Variants in NAV1 observed in about 807,000 individuals in gnomAD.
The protein encoded by NAV1 is pore membrane and/or filament interacting like protein 3.
In NAV1, 18 loss-of-function variants were observed where a neutral mutation model predicts 175.2. That is an observed-to-expected ratio of 0.10 (90% CI 0.07 to 0.15). NAV1 has a LOEUF of 0.15. NAV1 is among the 10% of genes least tolerant of loss of function. The pLI is 1.00. For synonymous variants in NAV1, 897 were observed against 978.7 expected, an observed-to-expected ratio of 0.92 and a Z score of 1.56; for missense variants, 1,731 against 2,436.6, an observed-to-expected ratio of 0.71 and a Z score of 6.10.
At chr1:201,789,877 T>G in intron 11 of NAV1, 85 bp downstream of exon 15, 1 of 1,325,866 alleles carries the variant, frequency 7.5e-7, no homozygotes, top group Non-Finnish European at 1.1e-6. Context: ...GTTGGGTAAC[T>G]GGGCGGGGGA....
intron 3 of NAV1, among the ~76,000 whole-genome samples, chr1:201,770,988 A>G (rs1675539871): frequency 6.6e-6 from 1 of 152,100 alleles, no homozygotes; most frequent in Admixed American, 6.5e-5. Context: ...AAGCACAAAA[A>G]TCCTTCATTG....
chr1:201,687,670 C>T (rs1012245061), intron 1 of NAV1, among the ~76,000 whole-genome samples: 2 of 152,180 alleles, frequency 1.3e-5, no homozygotes, highest in Non-Finnish European at 2.9e-5. Context: ...AGAGCCAAGA[C>T]GCCAACCCAA....
chr1:201,591,429 C>T (rs1667189433), intron 2 of NAV1, among the ~76,000 whole-genome samples: 1 of 152,130 alleles, frequency 6.6e-6, no homozygotes, highest in Non-Finnish European at 1.5e-5. Context: ...AGTCAGGGCC[C>T]CTCCCAGGGC....
chr1:201,672,551 G>A (rs1383219940), intron 1 of NAV1, among the ~76,000 whole-genome samples: 1 of 152,178 alleles, frequency 6.6e-6, no homozygotes, highest in Non-Finnish European at 1.5e-5. Flanking sequence ...TGAGGTAGAT[G>A]TTATTGTGAT....
chr1:201,643,415 CCCT>C (rs1241851298), upstream of NAV1, among the ~76,000 whole-genome samples: 1 of 147,154 alleles, frequency 6.8e-6, no homozygotes, highest in African/African-American at 2.5e-5. Context: ...CCCTTCCCTT[CCCT>C]CCTTCCTTCT....
intron 3 of NAV1, among the ~76,000 whole-genome samples, chr1:201,744,002 A>T (rs1673601603): frequency 6.6e-6 from 1 of 152,162 alleles, no homozygotes; most frequent in Non-Finnish European, 1.5e-5. Flanking sequence ...CTCCTGCCTC[A>T]GCCTCCCGAG....
chr1:201,762,835 A>G (rs1210076540), intron 3 of NAV1, among the ~76,000 whole-genome samples: 1 of 152,252 alleles, frequency 6.6e-6, no homozygotes, highest in Non-Finnish European at 1.5e-5. Flanking sequence ...GGAATTGTGC[A>G]GTGGACTCCT....
intron 1 of NAV1, among the ~76,000 whole-genome samples, chr1:201,543,540 C>G (rs911705872): frequency 6.6e-6 from 1 of 151,344 alleles, no homozygotes; most frequent in African/African-American, 2.4e-5. Flanking sequence ...TTTTTTTTCC[C>G]CTGTAAAAAG....
At chr1:201,565,131 A>G (rs1369872252) in intron 1 of NAV1, among the ~76,000 whole-genome samples, 2 of 152,210 alleles carry the variant, frequency 1.3e-5, no homozygotes, top group African/African-American at 4.8e-5. Context: ...TCTGCCTACC[A>G]CAGAGAACAC....
chr1:201,598,758 C>T (rs955272660), intron 2 of NAV1, among the ~76,000 whole-genome samples: 10 of 152,176 alleles, frequency 6.6e-5, no homozygotes, highest in Admixed American at 6.5e-5. Flanking sequence ...GGGCAGTCAT[C>T]GTGTTGCCAT....
chr1:201,685,806 C>T (rs1483524601), intron 1 of NAV1, among the ~76,000 whole-genome samples: 1 of 152,180 alleles, frequency 6.6e-6, no homozygotes, highest in Non-Finnish European at 1.5e-5. Flanking sequence ...GTAGAAGAAC[C>T]TAATCTTCCT....
At chr1:201,735,157 C>T (rs1303860605) in intron 3 of NAV1, among the ~76,000 whole-genome samples, 2 of 152,136 alleles carry the variant, frequency 1.3e-5, no homozygotes, top group Non-Finnish European at 1.5e-5. Context: ...CTCCCATCTA[C>T]CTTCCAAACC....
chr1:201,752,542 C>CA (rs1330670326), intron 3 of NAV1, among the ~76,000 whole-genome samples: 1 of 151,766 alleles, frequency 6.6e-6, no homozygotes, highest in Non-Finnish European at 1.5e-5. Context: ...GAAAACTTCA[C>CA]AAATAACACA....
intron 8 of NAV1, among the ~76,000 whole-genome samples, chr1:201,785,888 ATTCAAGC>A (rs1676713087): frequency 2.1e-5 from 3 of 139,536 alleles, no homozygotes; most frequent in African/African-American, 8.0e-5. Context: ...CACCTCCCAG[ATTCAAGC>A]GATTCTCCTG....
At chr1:201,619,228 G>A (rs1668087721), upstream of NAV1, among the ~76,000 whole-genome samples, 1 of 152,264 alleles carries the variant, frequency 6.6e-6, no homozygotes, top group African/African-American at 2.4e-5. Context: ...CGAGGGAGAC[G>A]CAGCCTCCTC....
intron 1 of NAV1, among the ~76,000 whole-genome samples, chr1:201,670,641 GTGA>G (rs1054295679): frequency 1.3e-5 from 2 of 151,922 alleles, no homozygotes; most frequent in Non-Finnish European, 2.9e-5. Context: ...TGATGTTTTG[GTGA>G]TGATGACAGA....
At position 201,793,931 on chromosome 1, in the gene NAV1, A is replaced by G. The variant is rs546932988; in HGVS notation, c.3405+56A>G. 253 of 1,455,956 alleles carry G rather than the reference A, an allele frequency of 1.7e-4. 3 individuals carry two copies. The South Asian group carries it at 2.9e-3, about 16-fold the overall frequency. 90.2% of individuals were successfully genotyped at this position (1,455,956 alleles called of 1,614,324 possible). A position where few individuals can be genotyped will look rare whatever the true frequency, so the allele number is the denominator to read the frequency against. On this transcript the variant is annotated intron_variant, in intron 14 of 29. Transcript: ENST00000367296. ...GGGTGCGGCGAGGGGGTTCTCCTGGACAGAGAGGCCGAAGCTGACCATCTG... is the reference window on the plus strand; with the variant it reads ...GGGTGCGGCGAGGGGGTTCTCCTGGGCAGAGAGGCCGAAGCTGACCATCTG...
intron 3 of NAV1, among the ~76,000 whole-genome samples, chr1:201,749,716 G>A (rs1034453389): frequency 6.6e-6 from 1 of 152,146 alleles, no homozygotes; most frequent in Non-Finnish European, 1.5e-5. Flanking sequence ...GGGCAACATG[G>A]CAAGACCCAG....
chr1:201,618,254 C>A (rs1176749399), upstream of NAV1, among the ~76,000 whole-genome samples: 1 of 152,160 alleles, frequency 6.6e-6, no homozygotes. Context: ...AAACCTGCAC[C>A]CGGGCTGGAT....
Sources: gnomAD v4.1 joint callset for allele counts (sites outside exome capture counted in the v4.1 genomes callset) on GRCh38, gnomAD v4.1.1 for gene constraint, MANE v1.5 for transcripts, NCBI Gene and HGNC (gene_info 2026-07-23, HGNC 2026-07-21) for gene names.